Variants in TRPM3 observed in about 807,000 individuals in gnomAD.
The protein encoded by TRPM3 is long transient receptor potential channel 3.
In TRPM3, 77 loss-of-function variants were observed where a neutral mutation model predicts 181.2. That is an observed-to-expected ratio of 0.42 (90% CI 0.35 to 0.51). TRPM3 has a LOEUF of 0.51. Among genes scored for constraint, TRPM3 ranks in the 20% least tolerant of loss-of-function variants. The pLI is 0.01. For synonymous variants in TRPM3, 745 were observed against 796.4 expected, an observed-to-expected ratio of 0.94 and a Z score of 1.09; for missense variants, 1,759 against 2,196.7, an observed-to-expected ratio of 0.80 and a Z score of 3.98.
Position 70,843,196 on chromosome 9 carries a change from CTG to C in TRPM3, c.677-71_677-70del, listed in dbSNP as rs1589144338. On this transcript the variant is annotated intron_variant, in intron 4 of 25. Coordinates refer to ENST00000677713, the MANE Select transcript of TRPM3 (RefSeq NM_001366145.2). ...TACCTTTTCATCATTCTAAAGAAAA[CTG>C]TGGTAATGGTTTCTCCCGAGGTTAA... 4 of 1,508,782 alleles carry C rather than the reference CTG, an allele frequency of 2.7e-6. No individual in the cohort carries two copies. The East Asian group carries it at 9.2e-5, about 35-fold the overall frequency. 93.5% of individuals were successfully genotyped at this position (1,508,782 alleles called of 1,614,324 possible). A position where few individuals can be genotyped will look rare whatever the true frequency, so the allele number is the denominator to read the frequency against.
At chr9:70,966,374 C>T (rs182290503) in intron 1 of TRPM3, among the ~76,000 whole-genome samples, 3 of 152,016 alleles carry the variant, frequency 2.0e-5, no homozygotes, top group African/African-American at 7.2e-5. Flanking sequence ...ACCATTTGAC[C>T]AGCATTCCAT....
intron 1 of TRPM3, among the ~76,000 whole-genome samples, chr9:71,401,197 C>CAAAAAAAAAAAAAAAA (rs59425467): frequency 4.7e-5 from 5 of 105,822 alleles, no homozygotes; most frequent in Non-Finnish European, 5.4e-5. Context: ...GACACCATCG[C>CAAAAAAAAAAAAAAAA]AAAAAAAAAA....
At chr9:70,759,042 A>G (rs1414685743) in intron 8 of TRPM3, among the ~76,000 whole-genome samples, 4 of 152,208 alleles carry the variant, frequency 2.6e-5, no homozygotes, top group African/African-American at 9.6e-5. Flanking sequence ...GAATGAACAG[A>G]CAACCTACAG....
chr9:71,443,504 A>C (rs923892671), intron 1 of TRPM3, among the ~76,000 whole-genome samples: 13 of 152,180 alleles, frequency 8.5e-5, no homozygotes, highest in Non-Finnish European at 1.6e-4. Flanking sequence ...CTGTCACCAG[A>C]ACAGAAGCAG....
intron 9 of TRPM3, among the ~76,000 whole-genome samples, chr9:70,646,038 C>T (rs1252403466): frequency 1.3e-5 from 2 of 152,174 alleles, no homozygotes; most frequent in East Asian, 1.9e-4. Flanking sequence ...TAACAACTCA[C>T]GCCAGTTAGA....
chr9:70,959,168 G>GA (rs767994499), intron 1 of TRPM3, among the ~76,000 whole-genome samples: 4 of 150,390 alleles, frequency 2.7e-5, no homozygotes, highest in Non-Finnish European at 5.9e-5. Flanking sequence ...ATAAAAAAAA[G>GA]AAAAAAAATA....
chr9:71,423,581 C>T (rs1006590521), intron 1 of TRPM3, among the ~76,000 whole-genome samples: 2 of 152,046 alleles, frequency 1.3e-5, no homozygotes, highest in Admixed American at 1.3e-4. Context: ...ATTACTGAAA[C>T]TTGTGGATGG....
chr9:71,403,695 G>A (rs1026787334), intron 1 of TRPM3, among the ~76,000 whole-genome samples: 1 of 152,064 alleles, frequency 6.6e-6, no homozygotes, highest in Non-Finnish European at 1.5e-5. Context: ...AAATGACGGA[G>A]GGGGCGATCT....
chr9:70,827,223 T>C (rs1340886213), intron 6 of TRPM3: 2 of 152,260 alleles, frequency 1.3e-5, no homozygotes, highest in Admixed American at 1.3e-4. Flanking sequence ...TTCAATTTCT[T>C]TGAAATGCCT....
intron 1 of TRPM3, among the ~76,000 whole-genome samples, chr9:71,395,604 T>C (rs955933951): frequency 6.6e-6 from 1 of 152,230 alleles, no homozygotes; most frequent in African/African-American, 2.4e-5. Context: ...TCAACTATCA[T>C]TAACTATTTT....
chr9:70,689,086 A>C (rs1220333078), intron 8 of TRPM3, among the ~76,000 whole-genome samples: 1 of 152,220 alleles, frequency 6.6e-6, no homozygotes, highest in East Asian at 1.9e-4. Flanking sequence ...TGGTGTATTA[A>C]GCCACAGACC....
chr9:70,974,258 G>A (rs1381296475), intron 1 of TRPM3, among the ~76,000 whole-genome samples: 2 of 152,042 alleles, frequency 1.3e-5, no homozygotes, highest in Non-Finnish European at 2.9e-5. Flanking sequence ...TAATTTACGT[G>A]GCCGGGCGCG....
At chr9:71,372,322 A>G (rs1018617081) in intron 1 of TRPM3, among the ~76,000 whole-genome samples, 1 of 152,130 alleles carries the variant, frequency 6.6e-6, no homozygotes, top group Non-Finnish European at 1.5e-5. Context: ...TATGACAATT[A>G]TTTATATTCC....
At chr9:70,919,645 G>A (rs779978480) in intron 1 of TRPM3, among the ~76,000 whole-genome samples, 8 of 152,004 alleles carry the variant, frequency 5.3e-5, no homozygotes, top group African/African-American at 1.2e-4. Context: ...TTAGCTGGGC[G>A]TGGTGGTGGG....
At position 70,636,566 on chromosome 9, in the gene TRPM3, T is replaced by A. The variant is rs562988959; in HGVS notation, c.1582-1305A>T. On this transcript the variant is annotated intron_variant, in intron 11 of 25. Transcript: ENST00000677713. The stretch of plus-strand genomic sequence containing the variant: ...AATGTACAATTTTAATCTAAGTATG[T>A]CCCATGCAATCTTTGGGATATAACA... Among the ~76,000 whole-genome samples, 99 of 152,320 alleles carry A rather than the reference T, an allele frequency of 6.5e-4. 1 individual carries two copies. The highest frequency in any genetic ancestry group is 1.9e-3 in the Admixed American group (29 of 15,296).
chr9:71,333,317 T>C lies in TRPM3; in HGVS notation c.183+113336A>G, dbSNP rs527832095. ...AGCAGTACGAAATTGACTTCTCAAA[T>C]AGCTCCCAATAGCATTCATGCCCTT... On this transcript the variant is annotated intron_variant, in intron 1 of 24. Coordinates refer to the TRPM3 transcript ENST00000357533. Among the ~76,000 whole-genome samples the C allele has an allele frequency of 3.9e-5, 6 of 152,056 alleles. No homozygotes were observed. In the East Asian group the frequency reaches 1.2e-3, roughly 29 times the overall value.
chr9:70,581,300 C>T (rs117349977), intron 22 of TRPM3, among the ~76,000 whole-genome samples: 1 of 152,380 alleles, frequency 6.6e-6, no homozygotes, highest in East Asian at 1.9e-4. Context: ...CAAGCAAGCA[C>T]TCATCTTGAA....
intron 1 of TRPM3, among the ~76,000 whole-genome samples, chr9:70,960,087 T>G (rs185871657): frequency 6.6e-6 from 1 of 152,262 alleles, no homozygotes; most frequent in Non-Finnish European, 1.5e-5. Context: ...AATCTCTTAG[T>G]CCATTGCAAG....
intron 1 of TRPM3, among the ~76,000 whole-genome samples, chr9:71,420,727 G>GAGAGAGAAAGAGAGAGAA (rs1565557032): frequency 2.9e-4 from 13 of 45,322 alleles, no homozygotes; most frequent in African/African-American, 1.2e-3. Context: ...GAGAAAGAGA[G>GAGAGAGAAAGAGAGAGAA]AGAGAGAGAA....
Sources: gnomAD v4.1 joint callset for allele counts (sites outside exome capture counted in the v4.1 genomes callset) on GRCh38, gnomAD v4.1.1 for gene constraint, MANE v1.5 for transcripts, NCBI Gene and HGNC (gene_info 2026-07-23, HGNC 2026-07-21) for gene names.